FAM3D: variants seen among roughly 807,000 people sequenced by gnomAD.
FAM3D encodes FAM3 metabolism regulating signaling molecule D, also known as protein FAM3D.
In FAM3D, 26 loss-of-function variants were observed where a neutral mutation model predicts 29.8. That is an observed-to-expected ratio of 0.87 (90% CI 0.64 to 1.21). The LOEUF is 1.21. FAM3D is among the 50% of genes most tolerant of loss of function. FAM3D has a pLI of 0.00. For missense variants in FAM3D, 253 were observed against 290.9 expected (o/e 0.87, Z 0.95); for synonymous variants, 115 against 102.3 (o/e 1.12, Z -0.75).
In FAM3D at chr3:58,637,187, C is replaced by T. The variant is rs148042871; in HGVS notation, c.412G>A (p.Gly138Arg). The change falls in exon 8 of 10, where the codon GGG (glycine) becomes AGG (arginine). Residue 138 changes from glycine (G) to arginine (R), a missense_variant. Transcript: ENST00000358781. Reference protein sequence around the residue: ...HLVKFLKEIPGGALVLVASYD... With the variant: ...HLVKFLKEIPRGALVLVASYD... ...GAGGCCACCAGCACCAGTGCACCCC[C>T]CGGAATTTCTTTAAGGAATTTCACT... is the stretch of plus-strand genomic sequence containing the variant. 447 of 1,613,982 alleles carry T rather than the reference C, an allele frequency of 2.8e-4. No homozygotes were observed. In the African/African-American group the frequency reaches 5.3e-3, roughly 19 times the overall value.
Position 58,646,558 on chromosome 3 carries a change from G to A in FAM3D, c.146-932C>T, listed in dbSNP as rs1370784267. 3.9e-5 allele frequency among the ~76,000 whole-genome samples: 6 copies of A among 152,210 alleles called. 1 individual carries two copies. Among genetic ancestry groups the A allele is most frequent in the Admixed American group, 2.6e-4 (4 of 15,288 alleles). On this transcript the variant is annotated intron_variant, in intron 4 of 9. Coordinates refer to ENST00000358781, the MANE Select transcript of FAM3D (RefSeq NM_138805.3). The stretch of plus-strand genomic sequence containing the variant: ...TCCTAATGTGTGCTTTTTAGCACCC[G>A]CTGACAGTTTGGAAGGCAGCATTAA...
chr3:58,660,115 G>A (rs1297778974), intron 1 of FAM3D, among the ~76,000 whole-genome samples: 1 of 152,218 alleles, frequency 6.6e-6, no homozygotes, highest in Non-Finnish European at 1.5e-5. Context: ...GGCTGAGGGA[G>A]ACAGACTTCA....
chr3:58,644,475 C>T (rs113448642), intron 5 of FAM3D, among the ~76,000 whole-genome samples: 3 of 152,344 alleles, frequency 2.0e-5, no homozygotes, highest in African/African-American at 7.2e-5. Flanking sequence ...CTTTGCCTTC[C>T]ACCATGATTA....
chr3:58,661,483 T>G (rs2066928275), intron 1 of FAM3D, among the ~76,000 whole-genome samples: 1 of 152,174 alleles, frequency 6.6e-6, no homozygotes, highest in Admixed American at 6.5e-5. Context: ...ACCTGACAGA[T>G]CATCCTCTGA....
intron 1 of FAM3D, among the ~76,000 whole-genome samples, chr3:58,661,650 AG>A (rs1181969026): frequency 6.6e-6 from 1 of 152,152 alleles, no homozygotes; most frequent in African/African-American, 2.4e-5. Flanking sequence ...GTGCCCATCT[AG>A]GTCCTGTCAT....
intron 2 of FAM3D, among the ~76,000 whole-genome samples, 159 bp downstream of exon 2, chr3:58,655,392 G>A (rs2066764340): frequency 6.6e-6 from 1 of 152,220 alleles, no homozygotes; most frequent in Non-Finnish European, 1.5e-5. Context: ...CTAGAGACAG[G>A]AAGTCGCCTC....
chr3:58,653,566 G>T, intron 3 of FAM3D, 108 bp downstream of exon 3: 1 of 1,074,012 alleles, frequency 9.3e-7, no homozygotes, highest in Non-Finnish European at 1.4e-6. Flanking sequence ...CCCAAAGGCA[G>T]CACAGCTTGT....
chr3:58,649,213 G>T, intron 4 of FAM3D, 102 bp downstream of exon 4: 1 of 1,393,842 alleles, frequency 7.2e-7, no homozygotes, highest in Non-Finnish European at 9.8e-7. Flanking sequence ...GGCACCTGCA[G>T]GGCTCAGAGC....
In FAM3D at chr3:58,634,091, T is replaced by C. The variant is rs899040318; in HGVS notation, c.*188A>G. On this transcript the variant is annotated 3_prime_UTR_variant, in exon 10 of 10. Coordinates refer to ENST00000358781, the MANE Select transcript of FAM3D (RefSeq NM_138805.3). This position sits in a 1 kb window ranked among gnomAD's most constrained non-coding sequence, Gnocchi z 4.6. ...CCAGAAGGACCCTCTGAGGCTGGTC[T>C]TCCGGGTAGGATGTGCTGTGGGAGG... 5.5e-6 allele frequency: 3 copies of C among 548,514 alleles called. No homozygotes were observed. The highest frequency in any genetic ancestry group is 4.8e-4 in the Middle Eastern group (1 of 2,082). 34.0% of individuals were successfully genotyped at this position (548,514 alleles called of 1,614,324 possible).
At chr3:58,656,427 T>G (rs1245314999) in intron 1 of FAM3D, among the ~76,000 whole-genome samples, 1 of 152,130 alleles carries the variant, frequency 6.6e-6, no homozygotes, top group Non-Finnish European at 1.5e-5. Flanking sequence ...CTGCCAAGAA[T>G]TTTTATCTCA....
chr3:58,639,305 C>A (rs1449357811), intron 7 of FAM3D, among the ~76,000 whole-genome samples: 1 of 152,186 alleles, frequency 6.6e-6, no homozygotes, highest in Non-Finnish European at 1.5e-5. Flanking sequence ...GTTATCTAAT[C>A]TTCACATCAA....
intron 5 of FAM3D, among the ~76,000 whole-genome samples, chr3:58,644,809 G>C (rs137968110): frequency 6.6e-6 from 1 of 152,336 alleles, no homozygotes; most frequent in African/African-American, 2.4e-5. Flanking sequence ...GAGGAGGGTA[G>C]AGCTGAAGAT....
chr3:58,637,215 G>A lies in FAM3D; in HGVS notation c.384C>T (p.His128=). Residue 128 remains histidine, a synonymous_variant, in exon 8 of 10, where the codon CAC becomes CAT. Coordinates refer to ENST00000358781, the MANE Select transcript of FAM3D (RefSeq NM_138805.3). ...GAATTTCTTTAAGGAATTTCACTAGGTGCATAACATCTGGGGGAGGAAGGA... is the reference window on the plus strand; with the variant it reads ...GAATTTCTTTAAGGAATTTCACTAGATGCATAACATCTGGGGGAGGAAGGA... The part of the protein sequence containing the change: ...AFDMYSGDVM[H]LVKFLKEIPG... 2 of 1,613,062 alleles carry A rather than the reference G, an allele frequency of 1.2e-6. No homozygotes were observed. The highest frequency in any genetic ancestry group is 1.7e-6 in the Non-Finnish European group (2 of 1,179,616).
chr3:58,647,510 C>T (rs534409899), intron 4 of FAM3D, among the ~76,000 whole-genome samples: 7 of 152,344 alleles, frequency 4.6e-5, no homozygotes, highest in Non-Finnish European at 7.4e-5. Context: ...GGAGATCATT[C>T]CCAGCCCTGG....
At chr3:58,638,829 T>C (rs1348297747) in intron 7 of FAM3D, among the ~76,000 whole-genome samples, 1 of 152,244 alleles carries the variant, frequency 6.6e-6, no homozygotes, top group Non-Finnish European at 1.5e-5. Flanking sequence ...ACAGTCACTC[T>C]TCTAAAGAAA....
At chr3:58,649,167 G>C in intron 4 of FAM3D, 148 bp downstream of exon 4, 1 of 976,108 alleles carries the variant, frequency 1.0e-6, no homozygotes, top group Non-Finnish European at 1.5e-6. Flanking sequence ...CATGGGAGGA[G>C]AGGACTGGGA....
chr3:58,642,085 C>A (rs2066349903), intron 6 of FAM3D, among the ~76,000 whole-genome samples: 1 of 152,182 alleles, frequency 6.6e-6, no homozygotes, highest in Non-Finnish European at 1.5e-5. Context: ...CCTGGGCACA[C>A]CCTCCCTGCA....
intron 8 of FAM3D, among the ~76,000 whole-genome samples, chr3:58,636,786 C>T (rs545433829): frequency 4.6e-5 from 7 of 151,826 alleles, no homozygotes; most frequent in Admixed American, 6.6e-5. Flanking sequence ...TTTCCCCTCA[C>T]TTAGCACTAG....
intron 4 of FAM3D, among the ~76,000 whole-genome samples, chr3:58,646,591 T>G (rs2066488534): frequency 6.6e-6 from 1 of 152,206 alleles, no homozygotes; most frequent in Admixed American, 6.5e-5. Context: ...TAAGGAGGAC[T>G]GGGTAAACAT....
Sources: gnomAD v4.1 joint callset for allele counts (sites outside exome capture counted in the v4.1 genomes callset) on GRCh38, gnomAD v4.1.1 for gene constraint, Gnocchi (gnomAD v3.1) non-coding constraint, MANE v1.5 for transcripts, NCBI Gene and HGNC (gene_info 2026-07-23, HGNC 2026-07-21) for gene names.